ANKRD6: variants seen among roughly 807,000 people sequenced by gnomAD.
ANKRD6 encodes ankyrin repeat domain 6.
A neutral mutation model predicts 82.3 loss-of-function variants in ANKRD6; 56 were observed. That is an observed-to-expected ratio of 0.68 (90% CI 0.55 to 0.85). ANKRD6 has a LOEUF of 0.85. Among genes scored for constraint, ANKRD6 ranks in the 40% least tolerant of loss-of-function variants. The pLI is 0.00. For synonymous variants in ANKRD6, 347 were observed against 352.1 expected (o/e 0.99, Z 0.16); for missense variants, 852 against 907.6 (o/e 0.94, Z 0.79).
chr6:89,624,448 CT>C, intron 12 of ANKRD6, 90 bp from the exon 13 acceptor site: 2 of 1,449,114 alleles, frequency 1.4e-6, no homozygotes, highest in Middle Eastern at 1.8e-4. Context: ...TCTCTATCCC[CT>C]GGTATACTGC....
intron 1 of ANKRD6, among the ~76,000 whole-genome samples, chr6:89,479,712 G>A (rs970584702): frequency 6.6e-6 from 1 of 151,402 alleles, no homozygotes; most frequent in Non-Finnish European, 1.5e-5. Flanking sequence ...ATGCTGGTGT[G>A]CTGCACCCAT....
rs778313232 is a variant in ANKRD6, at chr6:89,440,820, AGTT to A, written c.-144+7448_-144+7450del. Among the ~76,000 whole-genome samples the A allele has an allele frequency of 1.1e-4, 17 of 151,908 alleles. No individual in the cohort carries two copies. In the East Asian group the frequency reaches 2.5e-3, roughly 22 times the overall value. Reference sequence around the variant, plus strand: ...GATCCCATCTCGAAAAAAAAAAAAAAGTTGTACTAGACTAAAGGTTGGCAAATT... The same window carrying A: ...GATCCCATCTCGAAAAAAAAAAAAAAGTACTAGACTAAAGGTTGGCAAATT... On this transcript the variant is annotated intron_variant, in intron 1 of 15. Transcript: ENST00000339746.
chr6:89,541,262 C>T (rs890337534), intron 1 of ANKRD6, among the ~76,000 whole-genome samples: 3 of 151,780 alleles, frequency 2.0e-5, no homozygotes, highest in Admixed American at 6.6e-5. Context: ...TCTGTGAACA[C>T]GGAATATTTT....
chr6:89,559,669 A>G (rs1787108172), intron 1 of ANKRD6, among the ~76,000 whole-genome samples: 1 of 152,226 alleles, frequency 6.6e-6, no homozygotes, highest in African/African-American at 2.4e-5. Flanking sequence ...GGTGGTGAGA[A>G]GAAATTCCCA....
At chr6:89,483,424 A>C (rs940250825) in intron 1 of ANKRD6, 2 of 152,368 alleles carry the variant, frequency 1.3e-5, no homozygotes, top group Admixed American at 1.3e-4. Context: ...GGCCATTGAC[A>C]TGTAAATGTC....
intron 4 of ANKRD6, among the ~76,000 whole-genome samples, chr6:89,604,508 C>T (rs1391919012): frequency 6.6e-6 from 1 of 151,082 alleles, no homozygotes; most frequent in Non-Finnish European, 1.5e-5. Flanking sequence ...GGGAAGAACT[C>T]TGCTTTACTT....
At chr6:89,530,883 C>T (rs1045726419) in intron 1 of ANKRD6, among the ~76,000 whole-genome samples, 2 of 152,184 alleles carry the variant, frequency 1.3e-5, no homozygotes, top group Non-Finnish European at 2.9e-5. Context: ...AATGGCCGAC[C>T]ACTTGAAAGT....
At chr6:89,434,648 C>T (rs559513346) in intron 1 of ANKRD6, among the ~76,000 whole-genome samples, 2 of 152,228 alleles carry the variant, frequency 1.3e-5, no homozygotes, top group African/African-American at 4.8e-5. Flanking sequence ...ACTGTGTTGC[C>T]TAAGCTGGTC....
intron 1 of ANKRD6, among the ~76,000 whole-genome samples, chr6:89,513,001 T>TG (rs1436025543): frequency 1.3e-5 from 2 of 152,064 alleles, no homozygotes; most frequent in Non-Finnish European, 2.9e-5. Flanking sequence ...CATTGCTCAC[T>TG]GCAGCCTTGA....
rs537574740 is a variant in ANKRD6, at chr6:89,632,138, C to G, written c.*1134C>G. 6 of 152,254 alleles carry G rather than the reference C, an allele frequency of 3.9e-5. No individual in the cohort carries two copies. The South Asian group carries it at 8.3e-4, about 21-fold the overall frequency. The allele number at this position is 152,254 out of a possible 1,614,324, so 9.4% of individuals were successfully genotyped here. ...ATTTATATTCATCTCCTCAATATCC[C>G]ATGTATGCACAGAAACTTCAGTTCT... On this transcript the variant is annotated 3_prime_UTR_variant, in exon 16 of 16. Transcript: ENST00000339746.
At chr6:89,559,457 C>T (rs1258610480) in intron 1 of ANKRD6, among the ~76,000 whole-genome samples, 1 of 152,170 alleles carries the variant, frequency 6.6e-6, no homozygotes, top group Non-Finnish European at 1.5e-5. Context: ...CCCATCTCTT[C>T]AATATATGCT....
intron 1 of ANKRD6, among the ~76,000 whole-genome samples, chr6:89,522,995 G>A (rs550299277): frequency 6.6e-6 from 1 of 152,258 alleles, no homozygotes; most frequent in South Asian, 2.1e-4. Flanking sequence ...ATTCCTAGGT[G>A]TTGATGCAGA....
At chr6:89,568,060 G>A (rs570628112) in intron 2 of ANKRD6, 1 of 152,310 alleles carries the variant, frequency 6.6e-6, no homozygotes, top group Non-Finnish European at 1.5e-5. Context: ...GAGGTCTTGA[G>A]CTACTTGTAG....
At chr6:89,566,691 T>G in intron 1 of ANKRD6, 143 bp from the exon 2 acceptor site, 1 of 342,650 alleles carries the variant, frequency 2.9e-6, no homozygotes, top group Middle Eastern at 9.5e-4. Context: ...CTGTGGAGTG[T>G]GCTTCCTGTG....
At chr6:89,592,494 C>T (rs928028976) in intron 2 of ANKRD6, among the ~76,000 whole-genome samples, 6 of 152,172 alleles carry the variant, frequency 3.9e-5, no homozygotes, top group Non-Finnish European at 8.8e-5. Flanking sequence ...AGCTCTGATA[C>T]CTCTGGCCTT....
At chr6:89,499,305 A>G (rs529660872) in intron 1 of ANKRD6, among the ~76,000 whole-genome samples, 1 of 152,320 alleles carries the variant, frequency 6.6e-6, no homozygotes, top group East Asian at 1.9e-4. Context: ...CTTCTCCAGG[A>G]CTTATTCATA....
intron 1 of ANKRD6, among the ~76,000 whole-genome samples, chr6:89,515,384 T>C (rs1214138966): frequency 6.6e-6 from 1 of 152,238 alleles, no homozygotes; most frequent in Non-Finnish European, 1.5e-5. Context: ...CTTTCCTTCA[T>C]GATCTTGAAT....
At chr6:89,504,853 G>C (rs1002675815) in intron 1 of ANKRD6, 3 of 152,172 alleles carry the variant, frequency 2.0e-5, no homozygotes, top group African/African-American at 7.2e-5. Flanking sequence ...CTAAATCACT[G>C]TGCACCCACA....
rs145739226 is a variant in ANKRD6 at position 89,577,916 on chromosome 6, G to A, written c.120+10820G>A. Among the ~76,000 whole-genome samples, 1,151 of 152,340 alleles carry A rather than the reference G, an allele frequency of 7.6e-3. 25 individuals carry two copies. Among genetic ancestry groups the A allele is most frequent in the African/African-American group, 0.026 (1,088 of 41,572 alleles). On this transcript the variant is annotated intron_variant, in intron 2 of 15. Transcript: ENST00000339746. ...ACAAAGGTTGTTTTATGCAAGTTTG[G>A]TTAAGAAGAAAATTCAGTATCATTC...
Sources: allele counts gnomAD v4.1 joint callset (sites outside exome capture counted in the v4.1 genomes callset), GRCh38; gene constraint gnomAD v4.1.1; transcripts MANE v1.5; gene names NCBI Gene and HGNC (gene_info 2026-07-23, HGNC 2026-07-21).